Variants in COL5A1 observed in about 807,000 individuals in gnomAD.
COL5A1 encodes collagen alpha-1(V) chain.
A neutral mutation model predicts 263.7 loss-of-function variants in COL5A1; 16 were observed. That is an observed-to-expected ratio of 0.06 (90% CI 0.04 to 0.09). The LOEUF is 0.09. Ranked by LOEUF, COL5A1 falls within the 10% of genes least tolerant of loss-of-function variation. COL5A1 has a pLI of 1.00. For synonymous variants in COL5A1, 1,012 were observed against 1,004.5 expected, an observed-to-expected ratio of 1.01 and a Z score of -0.14; for missense variants, 2,036 against 2,540.5, an observed-to-expected ratio of 0.80 and a Z score of 4.27.
chr9:134,656,487 A>T (rs1031117829), intron 1 of COL5A1, among the ~76,000 whole-genome samples: 1 of 152,164 alleles, frequency 6.6e-6, no homozygotes, highest in Admixed American at 6.5e-5. Flanking sequence ...GAGGCAGCTT[A>T]TCTGCATATC....
chr9:134,842,243 C>T lies in COL5A1; in HGVS notation c.5457C>T (p.Asp1819=). The change falls in exon 66 of 66, where the codon GAC becomes GAT. Residue 1819 remains aspartate (D), a synonymous_variant. Transcript: ENST00000371817. This position sits in a 1 kb window ranked among gnomAD's most constrained non-coding sequence, Gnocchi z 5.8. Reference sequence around the variant, plus strand: ...CCATCGTGGACATCATGTTCAATGACTTCGGTGAAGCGTCACAGAAATTTG... The same window carrying T: ...CCATCGTGGACATCATGTTCAATGATTTCGGTGAAGCGTCACAGAAATTTG... The part of the protein sequence containing the change: ...QVPIVDIMFN[D]FGEASQKFGF... 1 of 1,614,216 alleles carries T rather than the reference C, an allele frequency of 6.2e-7. No individual in the cohort carries two copies. Among genetic ancestry groups the T allele is most frequent in the Non-Finnish European group, 8.5e-7 (1 of 1,180,042 alleles).
rs117675657 is a variant in COL5A1 at position 134,666,316 on chromosome 9, G to A, written c.109+24020G>A. ...CTCCTGGTGTCACTTAGTAAACTGG[G>A]GGCAGAGAAACTGGCACGGGGTCCC... On this transcript the variant is annotated intron_variant, in intron 1 of 65. Transcript: ENST00000371817. 1.3e-3 allele frequency among the ~76,000 whole-genome samples: 203 copies of A among 152,296 alleles called. 1 individual carries two copies. In the East Asian group the frequency reaches 0.025, roughly 18 times the overall value.
chr9:134,741,837 C>A lies in COL5A1; in HGVS notation c.1494+3029C>A, dbSNP rs563131416. Among the ~76,000 whole-genome samples, 1 of 152,298 alleles carries A rather than the reference C, an allele frequency of 6.6e-6. No individual in the cohort carries two copies. The highest frequency in any genetic ancestry group is 2.4e-5 in the African/African-American group (1 of 41,570). On this transcript the variant is annotated intron_variant, in intron 11 of 65. Transcript: ENST00000371817. This position sits in a 1 kb window ranked among gnomAD's most constrained non-coding sequence, Gnocchi z 4.5. ...GCCCTCTTCTCCCTGCCACTCCCAA[C>A]CTCCCGCCTTGGGCTTCCCCAGCCC...
At position 134,824,917 on chromosome 9, in the gene COL5A1, G is replaced by T; in HGVS notation, c.4954+62G>T. 1.9e-6 allele frequency: 3 copies of T among 1,553,000 alleles called. No individual in the cohort carries two copies. The South Asian group carries it at 3.5e-5, about 18-fold the overall frequency. On this transcript the variant is annotated intron_variant, in intron 62 of 65. Coordinates refer to ENST00000371817, the MANE Select transcript of COL5A1 (RefSeq NM_000093.5). ...CGGGCATGGACCTGCAGGACACATG[G>T]AGTGTGGCAAGGACAGTTCAGCCAG... is the stretch of plus-strand genomic sequence containing the variant.
At chr9:134,797,006 T>C in intron 36 of COL5A1, 105 bp downstream of exon 36, 1 of 1,209,120 alleles carries the variant, frequency 8.3e-7, no homozygotes, top group Non-Finnish European at 1.2e-6. Context: ...TCGGAGCTCC[T>C]CACAGTGGCC....
At chr9:134,782,556 C>G in intron 28 of COL5A1, 111 bp from the exon 29 acceptor site, 2 of 1,042,080 alleles carry the variant, frequency 1.9e-6, no homozygotes, top group Non-Finnish European at 3.0e-6. Context: ...TGTGCTGCCC[C>G]CCAAGCGTGG....
intron 29 of COL5A1, among the ~76,000 whole-genome samples, chr9:134,784,474 G>T (rs910051031): frequency 6.6e-6 from 1 of 152,216 alleles, no homozygotes; most frequent in African/African-American, 2.4e-5. Flanking sequence ...GGACGAGGCG[G>T]AATTTAAGCC....
At chr9:134,776,426 T>C (rs1326778843) in intron 27 of COL5A1, among the ~76,000 whole-genome samples, 3 of 152,222 alleles carry the variant, frequency 2.0e-5, no homozygotes, top group Non-Finnish European at 4.4e-5. Flanking sequence ...CTGATTAAAA[T>C]TCATTCATGA....
chr9:134,824,100 G>A (rs987397611), intron 61 of COL5A1, among the ~76,000 whole-genome samples: 5 of 152,192 alleles, frequency 3.3e-5, no homozygotes, highest in Non-Finnish European at 5.9e-5. Flanking sequence ...AGGGCATGGC[G>A]AGTGCACTAT....
At chr9:134,675,720 A>G (rs1327399963) in intron 1 of COL5A1, among the ~76,000 whole-genome samples, 2 of 152,150 alleles carry the variant, frequency 1.3e-5, no homozygotes, top group Admixed American at 6.5e-5. Flanking sequence ...GCTTTTCCAC[A>G]TGTGTGGTGT....
intron 1 of COL5A1, among the ~76,000 whole-genome samples, chr9:134,689,460 C>T (rs1833195868): frequency 6.6e-6 from 1 of 152,158 alleles, no homozygotes; most frequent in South Asian, 2.1e-4. Flanking sequence ...TTGGCATTAG[C>T]ATAAAGAGGG....
At position 134,810,271 on chromosome 9, in the gene COL5A1, C is replaced by T. The variant is rs368305377; in HGVS notation, c.3491C>T (p.Pro1164Leu). 8.4e-5 allele frequency: 136 copies of T among 1,614,042 alleles called. No individual in the cohort carries two copies. Among genetic ancestry groups the T allele is most frequent in the Middle Eastern group, 3.3e-4 (2 of 6,084 alleles). Residue 1164 changes from proline to leucine, a missense_variant, in exon 44 of 66, where the codon CCG (proline) becomes CTG (leucine). Physicochemically the swap from Pro to Leu is moderately conservative, Grantham distance 98. This residue lies in a region of COL5A1 where 1,078 missense variants were observed against 1,521.4 expected (regional missense o/e 0.71). Transcript: ENST00000371817. ...EDGDKGEIGE[P>L]GQKGSKGDKG... Reference sequence around the variant, plus strand: ...TTCCCCTAGGGAGAGATCGGGGAGCCGGGGCAGAAAGGAAGCAAGGGGGAC... The same window carrying T: ...TTCCCCTAGGGAGAGATCGGGGAGCTGGGGCAGAAAGGAAGCAAGGGGGAC...
chr9:134,652,972 G>C lies in COL5A1; in HGVS notation c.109+10676G>C, dbSNP rs1431088651. On this transcript the variant is annotated intron_variant, in intron 1 of 65. Transcript: ENST00000371817. This position sits in a 1 kb window ranked among gnomAD's most constrained non-coding sequence, Gnocchi z 4.4. The stretch of plus-strand genomic sequence containing the variant: ...GGGTGCCACACTTTGCAAACCACGA[G>C]TCGTTCTGCGTCCTCGAGCCCAGGG... 1 of 284,644 alleles carries C rather than the reference G, an allele frequency of 3.5e-6. No homozygotes were observed. The highest frequency in any genetic ancestry group is 7.1e-6 in the Non-Finnish European group (1 of 140,656). The allele number at this position is 284,644 out of a possible 1,614,324, so 17.6% of individuals were successfully genotyped here.
intron 1 of COL5A1, among the ~76,000 whole-genome samples, chr9:134,644,752 C>T (rs188370379): frequency 9.9e-5 from 15 of 152,176 alleles, no homozygotes; most frequent in Admixed American, 5.2e-4. Flanking sequence ...AACAGTGTAA[C>T]GGGGAAGGAG....
At position 134,678,124 on chromosome 9, in the gene COL5A1, C is replaced by G. The variant is rs182476415; in HGVS notation, c.110-12788C>G. The stretch of plus-strand genomic sequence containing the variant: ...TCTGCAGGGGTCTTGGAGGCATTCT[C>G]CCAGCTTGCAGCCCCATGGTGCAGA... On this transcript the variant is annotated intron_variant, in intron 1 of 65. Coordinates refer to ENST00000371817, the MANE Select transcript of COL5A1 (RefSeq NM_000093.5). The surrounding 1 kb of genome is among the most constrained non-coding windows in gnomAD (Gnocchi z 5.5). 6.6e-6 allele frequency among the ~76,000 whole-genome samples: 1 copy of G among 152,214 alleles called. No individual in the cohort carries two copies.
In COL5A1 at chr9:134,755,468, T is replaced by C. The variant is rs4842153; in HGVS notation, c.1827+1142T>C. 0.21 allele frequency among the ~76,000 whole-genome samples: 32,152 copies of C among 152,142 alleles called. 3,589 individuals carry two copies. Among genetic ancestry groups the C allele is most frequent in the East Asian group, 0.35 (1,785 of 5,150 alleles). ...AGGCATTAAGTATGCCCAGAAGATC[T>C]GCTGCAGAAGAAAAGATGGTGGTGA... On this transcript the variant is annotated intron_variant, in intron 16 of 65. Transcript: ENST00000371817. The surrounding 1 kb of genome is among the most constrained non-coding windows in gnomAD (Gnocchi z 4.1).
chr9:134,728,678 A>G lies in COL5A1; in HGVS notation c.795A>G (p.Glu265=). The change falls in exon 6 of 66, where the codon GAA becomes GAG. Residue 265 remains glutamate (E), a synonymous_variant. Transcript: ENST00000371817. ...QDPNPDEYYT[E]GDGEGETYYY... is the part of the protein sequence containing the mutation. ...CCGCAATTCGCTTTCAGTACACGGAAGGAGACGGCGAGGGTGAGACCTATT... is the reference window on the plus strand; with the variant it reads ...CCGCAATTCGCTTTCAGTACACGGAGGGAGACGGCGAGGGTGAGACCTATT... 1 of 1,614,124 alleles carries G rather than the reference A, an allele frequency of 6.2e-7. No individual in the cohort carries two copies.
chr9:134,782,772 C>CCGTGTGGG, intron 29 of COL5A1, 52 bp downstream of exon 29: 2 of 1,541,134 alleles, frequency 1.3e-6, no homozygotes, highest in Non-Finnish European at 1.8e-6. Flanking sequence ...GTGGGCTTGG[C>CCGTGTGGG]CGTGTGGGAG....
chr9:134,787,518 A>G (rs1837506283), intron 31 of COL5A1, among the ~76,000 whole-genome samples: 1 of 152,240 alleles, frequency 6.6e-6, no homozygotes, highest in African/African-American at 2.4e-5. Flanking sequence ...GGCCAGCGCC[A>G]ACCCTGTGGG....
Sources: gnomAD v4.1 joint callset for allele counts (sites outside exome capture counted in the v4.1 genomes callset) on GRCh38, gnomAD v4.1.1 for gene constraint, gnomAD v4.1.1 regional missense constraint, Gnocchi (gnomAD v3.1) non-coding constraint, MANE v1.5 for transcripts, NCBI Gene and HGNC (gene_info 2026-07-23, HGNC 2026-07-21) for gene names.